Variants in ADAM18 observed in about 807,000 individuals in gnomAD.
ADAM18 encodes the protein disintegrin and metalloproteinase domain-containing protein 18.
ADAM18 carries 117 observed loss-of-function variants against 94.4 expected under a neutral mutation model. That is an observed-to-expected ratio of 1.24 (90% CI 1.07 to 1.45). The LOEUF (loss-of-function observed/expected upper bound fraction) is 1.45, where lower values mean the gene tolerates loss of function less well. Among genes scored for constraint, ADAM18 ranks in the 40% most tolerant of loss-of-function variants. The pLI is 0.00. For synonymous variants in ADAM18, 327 were observed against 291.6 expected, an observed-to-expected ratio of 1.12 and a Z score of -1.24; for missense variants, 936 against 880.0, an observed-to-expected ratio of 1.06 and a Z score of -0.81.
intron 16 of ADAM18, among the ~76,000 whole-genome samples, chr8:39,680,509 C>A (rs1821425527): frequency 6.6e-6 from 1 of 152,128 alleles, no homozygotes; most frequent in Admixed American, 6.5e-5. Flanking sequence ...TTGTAAAATG[C>A]TAATACAAAG....
chr8:39,665,459 C>A (rs1820971002), intron 13 of ADAM18, among the ~76,000 whole-genome samples: 1 of 152,030 alleles, frequency 6.6e-6, no homozygotes, highest in Non-Finnish European at 1.5e-5. Context: ...TAGCTAGATA[C>A]CTAGGAGAGG....
In ADAM18 at chr8:39,609,549, G is replaced by T; in HGVS notation, c.332G>T (p.Cys111Phe). 1 of 1,608,996 alleles carries T rather than the reference G, an allele frequency of 6.2e-7. No homozygotes were observed. Among genetic ancestry groups the T allele is most frequent in the Non-Finnish European group, 8.5e-7 (1 of 1,176,636 alleles). Reference sequence around the variant, plus strand: ...AATTCATTTGTGACACTCAGTATATGTTCTGGTCTCAGGTAATAGCACCTT... The same window carrying T: ...AATTCATTTGTGACACTCAGTATATTTTCTGGTCTCAGGTAATAGCACCTT... ...FPNSFVTLSI[C>F]SGLRGFLQFE... Residue 111 changes from cysteine (C) to phenylalanine (F), a missense_variant, in exon 5 of 20, where the codon TGT becomes TTT. By Grantham distance (205) the Cys-to-Phe change is radical (BLOSUM62 -2). Transcript: ENST00000265707.
intron 2 of ADAM18, among the ~76,000 whole-genome samples, chr8:39,586,713 C>G (rs1168724674): frequency 6.6e-6 from 1 of 152,088 alleles, no homozygotes; most frequent in South Asian, 2.1e-4. Context: ...GATGACAGAG[C>G]AAGACTTCAT....
At chr8:39,664,346 A>C (rs2129580108) in intron 13 of ADAM18, among the ~76,000 whole-genome samples, 1 of 152,310 alleles carries the variant, frequency 6.6e-6, no homozygotes, top group Non-Finnish European at 1.5e-5. Flanking sequence ...TACAGAGATA[A>C]TAAAAATATA....
intron 6 of ADAM18, 48 bp downstream of exon 6, chr8:39,610,754 G>A: frequency 1.3e-6 from 2 of 1,542,154 alleles, no homozygotes; most frequent in Non-Finnish European, 1.7e-6. Flanking sequence ...CATTGCCTGT[G>A]TAGTTTTCTT....
chr8:39,601,805 T>C (rs2129458315), intron 2 of ADAM18, among the ~76,000 whole-genome samples: 1 of 152,346 alleles, frequency 6.6e-6, no homozygotes, highest in East Asian at 1.9e-4. Flanking sequence ...TGAATCTGTA[T>C]ACCCATTAAA....
At chr8:39,711,958 C>T (rs76236583) in intron 18 of ADAM18, among the ~76,000 whole-genome samples, 5,541 of 149,226 alleles carry the variant, frequency 0.037, 353 homozygotes, top group African/African-American at 0.13. Flanking sequence ...TGAACACTGG[C>T]GCAAGCACTA....
At chr8:39,727,123 A>G (rs1755485904) in intron 19 of ADAM18, among the ~76,000 whole-genome samples, 1 of 152,212 alleles carries the variant, frequency 6.6e-6, no homozygotes, top group Non-Finnish European at 1.5e-5. Context: ...GTTTCCTATT[A>G]GCCTCTGACC....
intron 12 of ADAM18, among the ~76,000 whole-genome samples, chr8:39,661,472 CCT>C (rs1820838445): frequency 6.6e-6 from 1 of 151,720 alleles, no homozygotes; most frequent in African/African-American, 2.4e-5. Context: ...CCATTCCCAG[CCT>C]CTCTTTTCTA....
intron 19 of ADAM18, among the ~76,000 whole-genome samples, chr8:39,724,525 T>G (rs1308319985): frequency 6.6e-6 from 1 of 151,902 alleles, no homozygotes; most frequent in Non-Finnish European, 1.5e-5. Context: ...TTTGTTATAA[T>G]TATTTTTTGC....
intron 10 of ADAM18, among the ~76,000 whole-genome samples, chr8:39,638,979 T>C (rs1356154927): frequency 1.3e-5 from 2 of 151,936 alleles, no homozygotes; most frequent in Non-Finnish European, 2.9e-5. Context: ...TTTTAGATAT[T>C]GAAAATTTGT....
chr8:39,641,403 A>G (rs540551000), intron 10 of ADAM18, among the ~76,000 whole-genome samples: 1 of 151,982 alleles, frequency 6.6e-6, no homozygotes, highest in South Asian at 2.1e-4. Flanking sequence ...TAGCTTTGTT[A>G]TATAGTTTGT....
In ADAM18 at chr8:39,729,276, C is replaced by T. The variant is rs140404335; in HGVS notation, c.2178-622C>T. Among the ~76,000 whole-genome samples, 11 of 152,120 alleles carry T rather than the reference C, an allele frequency of 7.2e-5. No homozygotes were observed. In the East Asian group the frequency reaches 9.7e-4, roughly 13 times the overall value. ...CTGGAGACAGATGGTGATAGTTTCA[C>T]AATATGAATGTACTTAGTACTACTG... On this transcript the variant is annotated intron_variant, in intron 19 of 19. Coordinates refer to ENST00000265707, the MANE Select transcript of ADAM18 (RefSeq NM_014237.3).
At chr8:39,708,357 T>TA (rs974397290) in intron 18 of ADAM18, among the ~76,000 whole-genome samples, 2 of 152,204 alleles carry the variant, frequency 1.3e-5, no homozygotes, top group African/African-American at 4.8e-5. Flanking sequence ...ACAAAATTTT[T>TA]AAAATCTCAT....
At chr8:39,681,725 C>T (rs756458643) in intron 16 of ADAM18, among the ~76,000 whole-genome samples, 1 of 152,104 alleles carries the variant, frequency 6.6e-6, no homozygotes, top group Non-Finnish European at 1.5e-5. Context: ...GAGGACCTGG[C>T]TGGTGAGGGC....
At chr8:39,721,033 C>T (rs577691582) in intron 18 of ADAM18, among the ~76,000 whole-genome samples, 76 of 151,496 alleles carry the variant, frequency 5.0e-4, no homozygotes, top group African/African-American at 1.8e-3. Context: ...TAGTATGCAT[C>T]AATTAGAATA....
intron 15 of ADAM18, among the ~76,000 whole-genome samples, chr8:39,677,832 TAA>T (rs1821341049): frequency 6.6e-6 from 1 of 152,176 alleles, no homozygotes; most frequent in South Asian, 2.1e-4. Context: ...AGTTTTGTAT[TAA>T]GTCTATAAAT....
intron 7 of ADAM18, among the ~76,000 whole-genome samples, chr8:39,636,943 C>T (rs1402511293): frequency 2.0e-5 from 3 of 149,774 alleles, no homozygotes; most frequent in Non-Finnish European, 4.4e-5. Context: ...ATAATGTCCT[C>T]CAGATTCATC....
At chr8:39,694,382 T>C (rs901491295) in intron 17 of ADAM18, among the ~76,000 whole-genome samples, 1 of 151,478 alleles carries the variant, frequency 6.6e-6, no homozygotes, top group Non-Finnish European at 1.5e-5. Flanking sequence ...CAAATATATT[T>C]ATTGATTTTT....
Sources: gnomAD v4.1 joint callset for allele counts (sites outside exome capture counted in the v4.1 genomes callset) on GRCh38, gnomAD v4.1.1 for gene constraint, MANE v1.5 for transcripts, NCBI Gene and HGNC (gene_info 2026-07-23, HGNC 2026-07-21) for gene names.